PSMB1: variants seen among roughly 807,000 people sequenced by gnomAD.
PSMB1 encodes proteasome 20S subunit beta 1, also known as proteasome subunit beta type-1.
In PSMB1, 7 loss-of-function variants were observed where a neutral mutation model predicts 25.4. The ratio of observed to expected loss-of-function variants is 0.28; its 90% CI spans 0.16 to 0.52. The LOEUF is 0.52. Ranked by LOEUF, PSMB1 falls within the 20% of genes least tolerant of loss-of-function variation. PSMB1 has a pLI of 0.97. For synonymous variants in PSMB1, 119 were observed against 115.0 expected, an observed-to-expected ratio of 1.03 and a Z score of -0.22; for missense variants, 284 against 302.2, an observed-to-expected ratio of 0.94 and a Z score of 0.45.
chr6:170,540,953 A>G lies in PSMB1; in HGVS notation c.433+2648T>C, dbSNP rs897915535. Reference sequence around the variant, plus strand: ...GGGGTAGGGGAGGAGGAGAGGAAAGAAGGTGGAGAAAGAGGATAAAACAAA... The same window carrying G: ...GGGGTAGGGGAGGAGGAGAGGAAAGGAGGTGGAGAAAGAGGATAAAACAAA... On this transcript the variant is annotated intron_variant, in intron 4 of 5. Coordinates refer to ENST00000262193, the MANE Select transcript of PSMB1 (RefSeq NM_002793.4). Among the ~76,000 whole-genome samples, 14 of 152,206 alleles carry G rather than the reference A, an allele frequency of 9.2e-5. No individual in the cohort carries two copies. In the South Asian group the frequency reaches 1.2e-3, roughly 14 times the overall value.
At chr6:170,547,660 G>C (rs368539321) in intron 2 of PSMB1, among the ~76,000 whole-genome samples, 7 of 152,214 alleles carry the variant, frequency 4.6e-5, no homozygotes, top group Non-Finnish European at 5.9e-5. Flanking sequence ...AATACCAACA[G>C]GGAAAGACAG....
chr6:170,545,986 C>G (rs1778812012), intron 3 of PSMB1, 117 bp downstream of exon 3: 1 of 787,090 alleles, frequency 1.3e-6, no homozygotes, highest in South Asian at 1.6e-5. Flanking sequence ...ATTTGTAATT[C>G]ATCTACTAAC....
intron 4 of PSMB1, among the ~76,000 whole-genome samples, chr6:170,543,169 A>G (rs951059525): frequency 2.0e-5 from 3 of 152,214 alleles, no homozygotes; most frequent in Non-Finnish European, 4.4e-5. Context: ...AGGTGTTTCA[A>G]AAAGTTCTGA....
Position 170,535,325 on chromosome 6 carries a change from G to A in PSMB1, c.621C>T (p.Phe207=). Residue 207 remains phenylalanine, a synonymous_variant, in exon 6 of 6, where the codon TTC becomes TTT. Coordinates refer to ENST00000262193, the MANE Select transcript of PSMB1 (RefSeq NM_002793.4). ...DRAMRLVKDV[F]ISAAERDVYT... is the part of the protein sequence containing the mutation. ...ACACATCTCTCTCAGCCGCAGAAATGAAGACATCTTTCACCAGCCGCATGG... is the reference window on the plus strand; with the variant it reads ...ACACATCTCTCTCAGCCGCAGAAATAAAGACATCTTTCACCAGCCGCATGG... The A allele has an allele frequency of 6.2e-7, 1 of 1,614,146 alleles. No homozygotes were observed. The highest frequency in any genetic ancestry group is 8.5e-7 in the Non-Finnish European group (1 of 1,179,996).
intron 1 of PSMB1, chr6:170,549,390 T>G (rs2114981380): frequency 8.3e-6 from 3 of 359,722 alleles, no homozygotes; most frequent in Non-Finnish European, 1.0e-5. Flanking sequence ...CATTAAATAC[T>G]TACTCGCGCA....
chr6:170,542,023 G>C (rs1001040829), intron 4 of PSMB1, among the ~76,000 whole-genome samples: 7 of 152,196 alleles, frequency 4.6e-5, no homozygotes, highest in African/African-American at 1.7e-4. Flanking sequence ...CATCCAGCTT[G>C]CTAAGTTAGG....
intron 5 of PSMB1, among the ~76,000 whole-genome samples, chr6:170,536,808 C>T (rs754698465): frequency 2.0e-4 from 31 of 152,108 alleles, no homozygotes; most frequent in Non-Finnish European, 4.3e-4. Context: ...TTCCAGTGCT[C>T]GGGGAACTGG....
chr6:170,543,560 A>T, intron 4 of PSMB1, 41 bp downstream of exon 4: 1 of 1,541,810 alleles, frequency 6.5e-7, no homozygotes, highest in Non-Finnish European at 8.9e-7. Flanking sequence ...GGGAATAATA[A>T]CTCCTCCCCC....
rs1778706488 is a variant in PSMB1, at chr6:170,537,261, G to C, written c.513C>G (p.Ala171=). ...GGTTGTCAAGCAGGGGCTGTAGCAT[G>C]GCACTTGCTGAGCCTCCAGCCTTGA... The part of the protein sequence containing the change: ...DSFKAGGSAS[A]MLQPLLDNQV... Residue 171 remains alanine (A), a synonymous_variant, in exon 5 of 6, where the codon GCC becomes GCG. Transcript: ENST00000262193. 18 of 1,614,034 alleles carry C rather than the reference G, an allele frequency of 1.1e-5. No individual in the cohort carries two copies. The highest frequency in any genetic ancestry group is 1.4e-5 in the Non-Finnish European group (17 of 1,179,910).
chr6:170,536,527 T>C (rs2114974010), intron 5 of PSMB1: 1 of 455,704 alleles, frequency 2.2e-6, no homozygotes. Context: ...TCTGCAGCTG[T>C]GGTTGTCCAC....
intron 3 of PSMB1, among the ~76,000 whole-genome samples, chr6:170,544,454 G>A (rs1778792444): frequency 6.6e-6 from 1 of 151,516 alleles, no homozygotes; most frequent in South Asian, 2.1e-4. Flanking sequence ...ACCTTTGCGA[G>A]CCCTACATTA....
chr6:170,543,839 A>G (rs1233145360), intron 3 of PSMB1, 109 bp from the exon 4 acceptor site: 1 of 1,085,688 alleles, frequency 9.2e-7, no homozygotes, highest in African/African-American at 1.6e-5. Context: ...GTGGAAGGGG[A>G]AAGCATGCCT....
chr6:170,549,032 C>T lies in PSMB1; in HGVS notation c.195G>A (p.Thr65=), dbSNP rs781280958. The stretch of plus-strand genomic sequence containing the variant: ...ATTTGTAACATTTGGGGCTATCCCG[C>T]GTATGAATTGAAAACCCTTCACTCA... The part of the protein sequence containing the change: ...TRLSEGFSIH[T]RDSPKCYKLT... Residue 65 remains threonine, a synonymous_variant, in exon 2 of 6, where the codon ACG becomes ACA. Transcript: ENST00000262193. The T allele has an allele frequency of 5.0e-6, 8 of 1,612,172 alleles. No homozygotes were observed. Among genetic ancestry groups the T allele is most frequent in the East Asian group, 2.2e-5 (1 of 44,850 alleles).
In PSMB1 at chr6:170,546,173, G is replaced by A. The variant is rs774022190; in HGVS notation, c.233C>T (p.Thr78Ile). ...SPKCYKLTDK[T>I]VIGCSGFHGD... ...ATGAAAACCGCTGCATCCAATGACT[G>A]TTTTGTCTGTTCTGTAAAAAGCACA... The change falls in exon 3 of 6, where the codon ACA becomes ATA. Residue 78 changes from threonine (T) to isoleucine (I), a missense_variant. Physicochemically the swap from Thr to Ile is moderately conservative, Grantham distance 89. Transcript: ENST00000262193. 6.2e-7 allele frequency: 1 copy of A among 1,613,844 alleles called. No homozygotes were observed. Among genetic ancestry groups the A allele is most frequent in the Non-Finnish European group, 8.5e-7 (1 of 1,179,838 alleles).
In PSMB1 at chr6:170,544,240, C is replaced by A. The variant is rs374201340; in HGVS notation, c.304-510G>T. ...CCTTTACAGAAAAATTACGGCAATCCCTGATCAAACCTAGATGTAAGTCCC... is the reference window on the plus strand; with the variant it reads ...CCTTTACAGAAAAATTACGGCAATCACTGATCAAACCTAGATGTAAGTCCC... On this transcript the variant is annotated intron_variant, in intron 3 of 5. Coordinates refer to ENST00000262193, the MANE Select transcript of PSMB1 (RefSeq NM_002793.4). Among the ~76,000 whole-genome samples, 7 of 152,208 alleles carry A rather than the reference C, an allele frequency of 4.6e-5. No individual in the cohort carries two copies. In the South Asian group the frequency reaches 6.2e-4, roughly 14 times the overall value.
intron 4 of PSMB1, among the ~76,000 whole-genome samples, 189 bp from the exon 5 acceptor site, chr6:170,537,529 A>G (rs1778710166): frequency 1.3e-5 from 2 of 152,326 alleles, no homozygotes; most frequent in Admixed American, 1.3e-4. Context: ...CACATGTGAC[A>G]GCCAGAACCC....
At chr6:170,544,223 G>GA (rs34305751) in intron 3 of PSMB1, among the ~76,000 whole-genome samples, 87,883 of 152,018 alleles carry the variant, frequency 0.58, 26,413 homozygotes, top group East Asian at 0.79. Flanking sequence ...GTCCTTTACA[G>GA]AAAAATTACG....
At chr6:170,551,431 C>T (rs1186891431) in intron 1 of PSMB1, among the ~76,000 whole-genome samples, 2 of 151,952 alleles carry the variant, frequency 1.3e-5, no homozygotes, top group Non-Finnish European at 2.9e-5. Flanking sequence ...TTTGCGGAAG[C>T]GAAGGCTGCC....
intron 1 of PSMB1, among the ~76,000 whole-genome samples, chr6:170,552,717 C>T (rs571149976): frequency 2.6e-5 from 4 of 152,240 alleles, no homozygotes; most frequent in Non-Finnish European, 4.4e-5. Context: ...GTTTCAGACG[C>T]TAACCCTCTA....
Sources: allele counts gnomAD v4.1 joint callset (sites outside exome capture counted in the v4.1 genomes callset), GRCh38; gene constraint gnomAD v4.1.1; transcripts MANE v1.5; gene names NCBI Gene and HGNC (gene_info 2026-07-23, HGNC 2026-07-21).